The following SPMIP7 variants were observed in gnomAD, a reference collection of about 807,000 sequenced individuals.
SPMIP7 encodes the protein protein SPMIP7.
At chr7:50,096,479 G>A in the SPMIP7 span, 1 of 1,551,716 alleles carries the variant, frequency 6.4e-7, no homozygotes, top group Non-Finnish European at 8.7e-7. Flanking sequence ...AACCCTAGTG[G>A]ATTTTAGTGA....
the SPMIP7 span, among the ~76,000 whole-genome samples, chr7:50,114,828 A>G: frequency 2.0e-5 from 3 of 152,044 alleles, no homozygotes; most frequent in Non-Finnish European, 4.4e-5. Context: ...TCAGGAGTTC[A>G]AGACCAACCT....
the SPMIP7 span, chr7:50,136,252 A>G: frequency 1.0e-6 from 1 of 990,930 alleles, no homozygotes; most frequent in Non-Finnish European, 1.6e-6. Flanking sequence ...CCCTTGGCTT[A>G]GAGGTGTGGG....
At chr7:50,106,752 A>G in the SPMIP7 span, among the ~76,000 whole-genome samples, 1 of 152,188 alleles carries the variant, frequency 6.6e-6, no homozygotes, top group African/African-American at 2.4e-5. Context: ...TTGAAGGAGA[A>G]AAAAATGAGC....
the SPMIP7 span, chr7:50,151,616 T>C: frequency 3.3e-6 from 4 of 1,209,392 alleles, no homozygotes; most frequent in Non-Finnish European, 4.7e-6. Flanking sequence ...AAATCCTAAT[T>C]GTGGTTATTC....
At chr7:50,142,456 G>A in the SPMIP7 span, 1 of 152,122 alleles carries the variant, frequency 6.6e-6, no homozygotes, top group Admixed American at 6.5e-5. Context: ...ATGATATTTT[G>A]AGCGAATCAT....
the SPMIP7 span, among the ~76,000 whole-genome samples, chr7:50,153,096 C>A: frequency 1.1e-4 from 16 of 151,892 alleles, no homozygotes; most frequent in Admixed American, 1.0e-3. Context: ...TTTTCTGGTA[C>A]GAAAGATAGA....
chr7:50,134,489 G>T, the SPMIP7 span, among the ~76,000 whole-genome samples: 10 of 152,006 alleles, frequency 6.6e-5, no homozygotes, highest in Admixed American at 4.6e-4. Flanking sequence ...AACTTTTATT[G>T]ATTATGTAAA....
At chr7:50,127,630 T>C in the SPMIP7 span, among the ~76,000 whole-genome samples, 2 of 148,996 alleles carry the variant, frequency 1.3e-5, no homozygotes, top group Non-Finnish European at 3.0e-5. Flanking sequence ...TATATATATA[T>C]ATATACTGAT....
the SPMIP7 span, among the ~76,000 whole-genome samples, chr7:50,146,787 C>G: frequency 6.6e-6 from 1 of 152,216 alleles, no homozygotes; most frequent in African/African-American, 2.4e-5. Context: ...CCTCCGTCTC[C>G]CACTTTCTGC....
the SPMIP7 span, among the ~76,000 whole-genome samples, chr7:50,133,237 G>A: frequency 2.7e-5 from 1 of 37,728 alleles, no homozygotes. Flanking sequence ...GTGTGTGTTT[G>A]TGTGTGTGTG....
At chr7:50,125,298 A>C in the SPMIP7 span, among the ~76,000 whole-genome samples, 4 of 145,620 alleles carry the variant, frequency 2.7e-5, no homozygotes, top group Admixed American at 2.1e-4. Context: ...ATATATATAC[A>C]CATATATATA....
At chr7:50,111,409 G>A in the SPMIP7 span, among the ~76,000 whole-genome samples, 1 of 152,120 alleles carries the variant, frequency 6.6e-6, no homozygotes, top group Admixed American at 6.6e-5. Context: ...CATAGCACAT[G>A]AGAATCTGGC....
chr7:50,120,763 T>G, the SPMIP7 span, among the ~76,000 whole-genome samples: 1 of 152,196 alleles, frequency 6.6e-6, no homozygotes, highest in Non-Finnish European at 1.5e-5. Flanking sequence ...TACAGATTAC[T>G]ATGATTGATA....
the SPMIP7 span, among the ~76,000 whole-genome samples, chr7:50,123,578 TAAA>T: frequency 6.6e-6 from 1 of 150,494 alleles, no homozygotes; most frequent in Admixed American, 6.6e-5. Context: ...AATAAATAAA[TAAA>T]TAAATAAATA....
At chr7:50,120,879 A>G in the SPMIP7 span, among the ~76,000 whole-genome samples, 1 of 152,192 alleles carries the variant, frequency 6.6e-6, no homozygotes, top group Non-Finnish European at 1.5e-5. Flanking sequence ...TATGACCACT[A>G]AGACTTAAAT....
chr7:50,134,106 A>G, the SPMIP7 span: 265 of 1,537,726 alleles, frequency 1.7e-4, no homozygotes, highest in African/African-American at 3.6e-3. Context: ...ATAACTTCAT[A>G]GAGCTTATGA....
At chr7:50,146,037 C>A in the SPMIP7 span, among the ~76,000 whole-genome samples, 3 of 152,132 alleles carry the variant, frequency 2.0e-5, no homozygotes, top group Admixed American at 1.3e-4. Flanking sequence ...AAGGGGGCTT[C>A]CCTGTCAGTC....
At chr7:50,151,818 G>A in the SPMIP7 span, among the ~76,000 whole-genome samples, 1 of 152,132 alleles carries the variant, frequency 6.6e-6, no homozygotes, top group South Asian at 2.1e-4. Context: ...ATGTTATTAC[G>A]AATGTGGCCA....
At chr7:50,124,135 G>A in the SPMIP7 span, among the ~76,000 whole-genome samples, 1 of 152,088 alleles carries the variant, frequency 6.6e-6, no homozygotes, top group Non-Finnish European at 1.5e-5. Flanking sequence ...GGTGTTACAA[G>A]ACATAGAGAG....
Sources: allele counts gnomAD v4.1 joint callset (sites outside exome capture counted in the v4.1 genomes callset), GRCh38; gene constraint gnomAD v4.1.1; transcripts MANE v1.5; gene names NCBI Gene and HGNC (gene_info 2026-07-23, HGNC 2026-07-21).